The following PRSS23 variants were observed in gnomAD, a reference collection of about 807,000 sequenced individuals.
PRSS23 encodes serine protease 23.
A neutral mutation model predicts 34.7 loss-of-function variants in PRSS23; 25 were observed. The observed-to-expected ratio is 0.72, with a 90% CI of 0.53 to 1.01. PRSS23 has a LOEUF of 1.01. PRSS23 is among the 50% of genes least tolerant of loss of function. The pLI is 0.00. For missense variants in PRSS23, 445 were observed against 475.6 expected, an observed-to-expected ratio of 0.94 and a Z score of 0.60; for synonymous variants, 176 against 186.6, an observed-to-expected ratio of 0.94 and a Z score of 0.46.
chr11:86,807,466 C>T (rs776773872), intron 1 of PRSS23, among the ~76,000 whole-genome samples, 165 bp from the exon 2 acceptor site: 25 of 152,174 alleles, frequency 1.6e-4, no homozygotes, highest in Non-Finnish European at 3.1e-4. Flanking sequence ...TGAGCCTTTG[C>T]GTTGAAAGTG....
rs146912597 is a variant in PRSS23, at chr11:86,808,366, C to T, written c.723C>T (p.Ile241=). 287 of 1,614,156 alleles carry T rather than the reference C, an allele frequency of 1.8e-4. No individual in the cohort carries two copies. The African/African-American group carries it at 2.5e-3, about 14-fold the overall frequency. Residue 241 remains isoleucine (I), a synonymous_variant, in exon 2 of 2, where the codon ATC becomes ATT. Transcript: ENST00000280258. ...GGATCAAGGGCAATGCCAATGACAT[C>T]GGCATGGATTATGATTATGCCCTCC... ...KGWIKGNAND[I]GMDYDYALLE... is the part of the protein sequence containing the mutation.
At position 86,933,960 on chromosome 11, in the gene PRSS23, A is replaced by G. The variant is rs1260097567; in HGVS notation, c.207-17256A>G. 2.6e-5 allele frequency: 4 copies of G among 152,360 alleles called. No homozygotes were observed. In the East Asian group the frequency reaches 7.7e-4, roughly 29 times the overall value. The allele number at this position is 152,360 out of a possible 1,614,324, so 9.4% of individuals were successfully genotyped here. A position where few individuals can be genotyped will look rare whatever the true frequency, so the allele number is the denominator to read the frequency against. ...CAAGGTAGAAAACTTTACTGAGTCC[A>G]TGAAAAGAAAAGCTGGAGACACGTC... On this transcript the variant is annotated intron_variant, in intron 2 of 2. Transcript: ENST00000533902.
At position 86,900,816 on chromosome 11, in the gene PRSS23, G is replaced by A. The variant is rs575830908; in HGVS notation, c.207-50400G>A. Reference sequence around the variant, plus strand: ...TTTTTTTTTTTTGAGACGGAGTCTCGCTCTGTCGCCCAGGCTGGAGTGCAG... The same window carrying A: ...TTTTTTTTTTTTGAGACGGAGTCTCACTCTGTCGCCCAGGCTGGAGTGCAG... On this transcript the variant is annotated intron_variant, in intron 2 of 2. Transcript: ENST00000533902. Among the ~76,000 whole-genome samples the A allele has an allele frequency of 2.3e-4, 27 of 115,902 alleles. 1 individual carries two copies. In the South Asian group the frequency reaches 5.6e-3, roughly 24 times the overall value. The allele number at this position is 115,902 out of a possible 152,430, so 76.0% of individuals were successfully genotyped here.
intron 2 of PRSS23, among the ~76,000 whole-genome samples, chr11:86,902,338 T>C (rs917649370): frequency 3.9e-5 from 6 of 152,132 alleles, no homozygotes; most frequent in African/African-American, 7.2e-5. Context: ...CCAGCTGGAG[T>C]CTTCTCTATC....
chr11:86,847,202 C>G (rs542324200), intron 2 of PRSS23, among the ~76,000 whole-genome samples: 12 of 152,246 alleles, frequency 7.9e-5, no homozygotes, highest in African/African-American at 2.4e-4. Flanking sequence ...TCCACCACCC[C>G]CTTTAAGCTT....
Position 86,951,007 on chromosome 11 carries a change from G to A in PRSS23, c.207-209G>A, listed in dbSNP as rs377696818. The A allele has an allele frequency of 5.2e-4, 489 of 931,626 alleles. 5 individuals carry two copies. The East Asian group carries it at 0.011, about 22-fold the overall frequency. 57.7% of individuals were successfully genotyped at this position (931,626 alleles called of 1,614,324 possible). On this transcript the variant is annotated intron_variant, in intron 2 of 2. Transcript: ENST00000533902. The stretch of plus-strand genomic sequence containing the variant: ...TGCTGGGGTCGGGGTGGGAGGCAGT[G>A]GGTTGACGGGGGTCACTTAATTGTT...
intron 2 of PRSS23, among the ~76,000 whole-genome samples, chr11:86,901,053 G>A (rs1035258487): frequency 3.3e-5 from 5 of 151,988 alleles, no homozygotes; most frequent in Non-Finnish European, 7.4e-5. Context: ...CCAAAGTGCT[G>A]GGATTACAGG....
chr11:86,930,019 T>C (rs1006244627), intron 2 of PRSS23, among the ~76,000 whole-genome samples: 1 of 150,684 alleles, frequency 6.6e-6, no homozygotes, highest in African/African-American at 2.5e-5. Flanking sequence ...ATTCATAATT[T>C]GTTATTTGCT....
At chr11:86,797,142 C>T (rs1025661132), upstream of PRSS23, among the ~76,000 whole-genome samples, 1 of 152,232 alleles carries the variant, frequency 6.6e-6, no homozygotes, top group African/African-American at 2.4e-5. Context: ...TCCATTGCTA[C>T]GCATATAAAA....
At chr11:86,876,745 G>A (rs919820280) in intron 2 of PRSS23, among the ~76,000 whole-genome samples, 1 of 147,300 alleles carries the variant, frequency 6.8e-6, no homozygotes, top group African/African-American at 2.5e-5. Flanking sequence ...AAAAAAAAAC[G>A]AAGCAATTTG....
chr11:86,857,373 G>A (rs183415217), intron 2 of PRSS23: 137 of 264,356 alleles, frequency 5.2e-4, no homozygotes, highest in African/African-American at 3.1e-3. Flanking sequence ...TCCCTGAAAT[G>A]GGAAGAAAAC....
chr11:86,793,548 G>C (rs994872596), intron 1 of PRSS23, among the ~76,000 whole-genome samples: 1 of 152,192 alleles, frequency 6.6e-6, no homozygotes, highest in Non-Finnish European at 1.5e-5. Context: ...TTTGTTATCT[G>C]ACATGAACTG....
rs577232740 is a variant in PRSS23, at chr11:86,928,777, A to G, written c.207-22439A>G. Among the ~76,000 whole-genome samples, 61 of 147,904 alleles carry G rather than the reference A, an allele frequency of 4.1e-4. 1 individual carries two copies. In the South Asian group the frequency reaches 0.013, roughly 32 times the overall value. On this transcript the variant is annotated intron_variant, in intron 2 of 2. Coordinates refer to the PRSS23 transcript ENST00000533902. ...TATATAATACATAGGTTTTATTATT[A>G]TATCAACAGATATATTGGATATCTA...
At chr11:86,874,999 G>T (rs1270549386) in intron 2 of PRSS23, among the ~76,000 whole-genome samples, 1 of 152,160 alleles carries the variant, frequency 6.6e-6, no homozygotes, top group East Asian at 1.9e-4. Context: ...AGGGTAGTTG[G>T]ATTTTTTCCT....
chr11:86,878,642 G>A (rs1183994610), intron 2 of PRSS23, among the ~76,000 whole-genome samples: 32 of 152,030 alleles, frequency 2.1e-4, no homozygotes, highest in South Asian at 2.1e-4. Context: ...GCCTGCCTTG[G>A]CCTCCCAAAG....
In PRSS23 at chr11:86,906,811, C is replaced by A. The variant is rs537395525; in HGVS notation, c.207-44405C>A. On this transcript the variant is annotated intron_variant, in intron 2 of 2. Transcript: ENST00000533902. ...AACATTTTAGGTACGTTATTTCATT[C>A]ATTCTTCTCAGCCACAACCAGAGAT... Among the ~76,000 whole-genome samples the A allele has an allele frequency of 7.9e-5, 12 of 152,212 alleles. No individual in the cohort carries two copies. In the South Asian group the frequency reaches 2.5e-3, roughly 32 times the overall value.
chr11:86,882,831 T>C lies in PRSS23; in HGVS notation c.206+59238T>C, dbSNP rs369520769. Among the ~76,000 whole-genome samples the C allele has an allele frequency of 3.4e-4, 52 of 152,346 alleles. No homozygotes were observed. The East Asian group carries it at 8.3e-3, about 24-fold the overall frequency. ...TACACTCCTACCGACAGTGTGTAAG[T>C]GTTCCTTTTTCTCCACAACCTCATC... On this transcript the variant is annotated intron_variant, in intron 2 of 2. Transcript: ENST00000533902.
intron 2 of PRSS23, among the ~76,000 whole-genome samples, chr11:86,875,785 A>T (rs1054184184): frequency 6.6e-6 from 1 of 152,248 alleles, no homozygotes; most frequent in Non-Finnish European, 1.5e-5. Context: ...AGCTGTGAGG[A>T]TGTGCAGAAG....
At chr11:86,820,381 G>A (rs1042366230) in intron 1 of PRSS23, among the ~76,000 whole-genome samples, 2 of 152,192 alleles carry the variant, frequency 1.3e-5, no homozygotes, top group African/African-American at 4.8e-5. Context: ...ACAGTCTCAT[G>A]AAAAGCTTCT....
Sources: allele counts gnomAD v4.1 joint callset (sites outside exome capture counted in the v4.1 genomes callset), GRCh38; gene constraint gnomAD v4.1.1; transcripts MANE v1.5; gene names NCBI Gene and HGNC (gene_info 2026-07-23, HGNC 2026-07-21).